TMC1: variants seen among roughly 807,000 people sequenced by gnomAD.
TMC1 encodes transmembrane channel-like protein 1.
Under a neutral mutation model 105.8 loss-of-function variants are expected in TMC1, and 84 were observed. The observed-to-expected ratio is 0.79, with a 90% CI of 0.67 to 0.95. The LOEUF (loss-of-function observed/expected upper bound fraction) is 0.95. Ranked by LOEUF, TMC1 falls within the 40% of genes least tolerant of loss-of-function variation. TMC1 has a pLI of 0.00. For synonymous variants in TMC1, 315 were observed against 311.5 expected, an observed-to-expected ratio of 1.01 and a Z score of -0.12; for missense variants, 817 against 914.1, an observed-to-expected ratio of 0.89 and a Z score of 1.37.
intron 4 of TMC1, among the ~76,000 whole-genome samples, chr9:72,645,284 A>G (rs563639886): frequency 6.6e-6 from 1 of 152,318 alleles, no homozygotes; most frequent in East Asian, 1.9e-4. Flanking sequence ...TGCCAAAACC[A>G]TTGTGCCCAG....
chr9:72,741,374 C>T (rs926970163), intron 9 of TMC1: 2 of 436,664 alleles, frequency 4.6e-6, no homozygotes, highest in Non-Finnish European at 8.6e-6. Context: ...TGTAAGACTT[C>T]TTCCTTTTCT....
chr9:72,793,668 A>G (rs1323417616), intron 17 of TMC1, among the ~76,000 whole-genome samples: 1 of 152,174 alleles, frequency 6.6e-6, no homozygotes, highest in Non-Finnish European at 1.5e-5. Flanking sequence ...GCAGGCTGCC[A>G]TCTTTGCTGT....
At chr9:72,654,788 T>C (rs1338992366) in intron 5 of TMC1, among the ~76,000 whole-genome samples, 1 of 152,058 alleles carries the variant, frequency 6.6e-6, no homozygotes, top group Non-Finnish European at 1.5e-5. Flanking sequence ...GCCATTTTTA[T>C]TGTTTTTTTT....
intron 2 of TMC1, 63 bp downstream of exon 2, chr9:72,578,086 G>T (rs1449938519): frequency 6.6e-6 from 1 of 152,028 alleles, no homozygotes; most frequent in Non-Finnish European, 1.5e-5. Flanking sequence ...TCACCATGTT[G>T]GTCAGGCTGG....
At chr9:72,636,925 AT>A (rs1199932546) in intron 4 of TMC1, among the ~76,000 whole-genome samples, 1 of 152,094 alleles carries the variant, frequency 6.6e-6, no homozygotes, top group African/African-American at 2.4e-5. Flanking sequence ...GACAAGAGAG[AT>A]TGCAAACGTT....
intron 8 of TMC1, among the ~76,000 whole-genome samples, chr9:72,720,582 T>C (rs1827005538): frequency 1.3e-5 from 2 of 152,120 alleles, no homozygotes. Flanking sequence ...ACAAGCTCCA[T>C]TGGAATGAAT....
intron 20 of TMC1, among the ~76,000 whole-genome samples, chr9:72,821,794 A>G (rs905417840): frequency 1.3e-5 from 2 of 152,164 alleles, no homozygotes; most frequent in African/African-American, 4.8e-5. Flanking sequence ...TCTCTTGTGC[A>G]TTACTACCTT....
intron 8 of TMC1, among the ~76,000 whole-genome samples, chr9:72,707,386 A>G (rs1361654661): frequency 1.3e-5 from 2 of 152,124 alleles, no homozygotes; most frequent in Non-Finnish European, 2.9e-5. Flanking sequence ...GCAGTGTAGA[A>G]GTGTTCCCTT....
At chr9:72,623,705 A>G (rs1825296290) in intron 3 of TMC1, among the ~76,000 whole-genome samples, 1 of 152,050 alleles carries the variant, frequency 6.6e-6, no homozygotes, top group Non-Finnish European at 1.5e-5. Context: ...TGTATTCCAT[A>G]TCATGAAGGT....
At chr9:72,644,058 C>A (rs1825670548) in intron 4 of TMC1, among the ~76,000 whole-genome samples, 1 of 152,084 alleles carries the variant, frequency 6.6e-6, no homozygotes, top group Admixed American at 6.6e-5. Flanking sequence ...TGTTTATTTG[C>A]TATCATTATC....
chr9:72,655,671 G>A (rs1204306743), intron 5 of TMC1, among the ~76,000 whole-genome samples: 1 of 151,878 alleles, frequency 6.6e-6, no homozygotes. Flanking sequence ...GAACCCGGGA[G>A]GGGGAGCCTG....
rs147480882 is a variant in TMC1, at chr9:72,528,380, G to A, written c.-428+6467G>A. Among the ~76,000 whole-genome samples the A allele has an allele frequency of 4.1e-3, 626 of 151,526 alleles. 8 individuals are homozygous for A. The highest frequency in any genetic ancestry group is 3.5e-3 in the Non-Finnish European group (235 of 67,920). ...ACGGAGTTTCGCTCTTGTTGCCCAG[G>A]CTGGAGTGCAATGGTGTGATCTCGG... On this transcript the variant is annotated intron_variant, in intron 1 of 23. Transcript: ENST00000297784.
intron 8 of TMC1, among the ~76,000 whole-genome samples, chr9:72,736,668 G>T (rs535303018): frequency 6.6e-6 from 1 of 152,172 alleles, no homozygotes; most frequent in South Asian, 2.1e-4. Context: ...CTATTTATAT[G>T]TGTTCATTAT....
intron 21 of TMC1, among the ~76,000 whole-genome samples, chr9:72,829,868 T>C (rs945684149): frequency 3.9e-5 from 6 of 152,248 alleles, no homozygotes; most frequent in Admixed American, 3.9e-4. Context: ...AATGTAAATG[T>C]CATTTAAAAT....
At chr9:72,829,358 A>G (rs1403631688) in intron 21 of TMC1, among the ~76,000 whole-genome samples, 1 of 152,222 alleles carries the variant, frequency 6.6e-6, no homozygotes, top group African/African-American at 2.4e-5. Flanking sequence ...TGTGAGGAAT[A>G]CTTATTTAAC....
rs1425158393 is a variant in TMC1 at position 72,604,493 on chromosome 9, T to G, written c.-305-11875T>G. Reference sequence around the variant, plus strand: ...TCTACAATCTAAGGGGAGGTGATTGTGGCCAGAAAAGTTTCTGGGCTCTGG... The same window carrying G: ...TCTACAATCTAAGGGGAGGTGATTGGGGCCAGAAAAGTTTCTGGGCTCTGG... On this transcript the variant is annotated intron_variant, in intron 2 of 23. Transcript: ENST00000297784. Among the ~76,000 whole-genome samples, 4 of 152,354 alleles carry G rather than the reference T, an allele frequency of 2.6e-5. No individual in the cohort carries two copies. In the East Asian group the frequency reaches 7.7e-4, roughly 29 times the overall value.
At chr9:72,534,059 G>A (rs1255712754) in intron 1 of TMC1, among the ~76,000 whole-genome samples, 1 of 152,208 alleles carries the variant, frequency 6.6e-6, no homozygotes, top group African/African-American at 2.4e-5. Context: ...CTTAAACCTG[G>A]GAGGCAGAGG....
At chr9:72,532,681 A>G (rs1327534071) in intron 1 of TMC1, among the ~76,000 whole-genome samples, 1 of 150,920 alleles carries the variant, frequency 6.6e-6, no homozygotes, top group Non-Finnish European at 1.5e-5. Context: ...CTCAGATGCT[A>G]TGCTGATTTG....
chr9:72,720,171 AAAT>A (rs1246673992), intron 8 of TMC1, among the ~76,000 whole-genome samples: 8 of 152,344 alleles, frequency 5.3e-5, no homozygotes, highest in Non-Finnish European at 7.4e-5. Flanking sequence ...CTGAGAGGAT[AAAT>A]AATTGTCAGA....
Sources: gnomAD v4.1 joint callset for allele counts (sites outside exome capture counted in the v4.1 genomes callset) on GRCh38, gnomAD v4.1.1 for gene constraint, MANE v1.5 for transcripts, NCBI Gene and HGNC (gene_info 2026-07-23, HGNC 2026-07-21) for gene names.